The following ANXA5 variants were observed in gnomAD, a reference collection of about 807,000 sequenced individuals.
ANXA5 encodes CBP-I.
A neutral mutation model predicts 48.1 loss-of-function variants in ANXA5; 40 were observed. The observed-to-expected ratio is 0.83, with a 90% CI of 0.65 to 1.08. ANXA5 has a LOEUF of 1.08. ANXA5 is among the 50% of genes least tolerant of loss of function. ANXA5 has a pLI of 0.00. For missense variants in ANXA5, 357 were observed against 376.8 expected, an observed-to-expected ratio of 0.95 and a Z score of 0.44; for synonymous variants, 113 against 129.1, an observed-to-expected ratio of 0.88 and a Z score of 0.85.
At chr4:121,687,632 C>CA (rs1724915602) in intron 2 of ANXA5, among the ~76,000 whole-genome samples, 1 of 152,164 alleles carries the variant, frequency 6.6e-6, no homozygotes, top group Non-Finnish European at 1.5e-5. Context: ...TAATACTAAT[C>CA]AAATTTTAAA....
intron 6 of ANXA5, among the ~76,000 whole-genome samples, chr4:121,679,936 T>C (rs1428728604): frequency 1.3e-5 from 2 of 152,144 alleles, no homozygotes; most frequent in East Asian, 1.9e-4. Context: ...AAGCATATAA[T>C]AGTTATACTT....
intron 4 of ANXA5, among the ~76,000 whole-genome samples, 187 bp downstream of exon 4, chr4:121,684,490 G>A (rs965275217): frequency 6.6e-6 from 1 of 152,174 alleles, no homozygotes; most frequent in African/African-American, 2.4e-5. Flanking sequence ...AATTATGTGA[G>A]GATAAGCTGG....
intron 8 of ANXA5, 137 bp from the exon 9 acceptor site, chr4:121,672,763 T>C: frequency 3.0e-6 from 2 of 659,058 alleles, no homozygotes; most frequent in Non-Finnish European, 5.3e-6. Flanking sequence ...ATTTCTAATG[T>C]GTCCTACTCT....
In ANXA5 at chr4:121,668,376, T is replaced by C; in HGVS notation, c.*92A>G. On this transcript the variant is annotated 3_prime_UTR_variant, in exon 13 of 13. Transcript: ENST00000296511. The stretch of plus-strand genomic sequence containing the variant: ...ATGCTAGTATGAATAAGGCAATGTG[T>C]TAAGCACTGGCATACAAATGCAGCT... 1 of 1,108,550 alleles carries C rather than the reference T, an allele frequency of 9.0e-7. No homozygotes were observed. Among genetic ancestry groups the C allele is most frequent in the South Asian group, 1.3e-5 (1 of 79,926 alleles). The allele number at this position is 1,108,550 out of a possible 1,614,324, so 68.7% of individuals were successfully genotyped here. A position where few individuals can be genotyped will look rare whatever the true frequency, so the allele number is the denominator to read the frequency against.
rs530307561 is a variant in ANXA5 at position 121,668,226 on chromosome 4, G to T, written c.*242C>A. On this transcript the variant is annotated 3_prime_UTR_variant, in exon 13 of 13. Coordinates refer to ENST00000296511, the MANE Select transcript of ANXA5 (RefSeq NM_001154.4). ...AAAAAATATATATAAATGGAAAATGGCCAGGCATTAAACTTAGTAACATTA... is the reference window on the plus strand; with the variant it reads ...AAAAAATATATATAAATGGAAAATGTCCAGGCATTAAACTTAGTAACATTA... The T allele has an allele frequency of 1.4e-5, 5 of 345,918 alleles. No homozygotes were observed. In the East Asian group the frequency reaches 1.8e-4, roughly 12 times the overall value. The allele number at this position is 345,918 out of a possible 1,614,324, so 21.4% of individuals were successfully genotyped here.
rs1451464077 is a variant in ANXA5, at chr4:121,691,054, C to G, written c.10-4682G>C. On this transcript the variant is annotated intron_variant, in intron 2 of 12. Transcript: ENST00000296511. ...CTTCCCCTGTTTCCTGGAGTCCCCA[C>G]ACTTTACCCAGATTAATGCCAACTC... is the stretch of plus-strand genomic sequence containing the variant. Among the ~76,000 whole-genome samples, 4 of 152,182 alleles carry G rather than the reference C, an allele frequency of 2.6e-5. No homozygotes were observed. The East Asian group carries it at 7.7e-4, about 29-fold the overall frequency.
intron 1 of ANXA5, 107 bp downstream of exon 1, chr4:121,696,756 C>T (rs1046958228): frequency 2.2e-6 from 1 of 462,024 alleles, no homozygotes. Context: ...CCCGCCCTCT[C>T]GCAGCTACCG....
At chr4:121,680,777 C>T (rs1305516718) in intron 6 of ANXA5, among the ~76,000 whole-genome samples, 3 of 152,184 alleles carry the variant, frequency 2.0e-5, no homozygotes. Context: ...ATACATGTAT[C>T]ACTTCTGCCT....
intron 2 of ANXA5, among the ~76,000 whole-genome samples, chr4:121,686,840 C>G (rs1479785181): frequency 6.6e-6 from 1 of 152,118 alleles, no homozygotes; most frequent in African/African-American, 2.4e-5. Flanking sequence ...TTTACGATAA[C>G]CCAGCAAAGC....
intron 6 of ANXA5, 70 bp downstream of exon 6, chr4:121,681,601 G>A (rs1481520951): frequency 1.4e-5 from 14 of 1,022,392 alleles, no homozygotes; most frequent in Middle Eastern, 2.0e-4. Context: ...ACAAAGGACT[G>A]CATTCAAATC....
At chr4:121,675,306 G>A (rs1560824857) in intron 8 of ANXA5, among the ~76,000 whole-genome samples, 1 of 152,116 alleles carries the variant, frequency 6.6e-6, no homozygotes, top group Non-Finnish European at 1.5e-5. Flanking sequence ...TTAGTGCCAG[G>A]TATCAGTAGA....
chr4:121,695,780 A>G (rs1725069122), intron 2 of ANXA5, among the ~76,000 whole-genome samples: 1 of 152,022 alleles, frequency 6.6e-6, no homozygotes, highest in African/African-American at 2.4e-5. Context: ...GGCGCCTGTA[A>G]TCCCAGCTAC....
chr4:121,696,465 A>T, intron 2 of ANXA5, 116 bp downstream of exon 2: 1 of 978,470 alleles, frequency 1.0e-6, no homozygotes, highest in Non-Finnish European at 1.4e-6. Context: ...GATGTCCCCA[A>T]AGCAGGTTCC....
intron 3 of ANXA5, among the ~76,000 whole-genome samples, chr4:121,685,034 G>GTATATATATA (rs71599154): frequency 2.4e-4 from 32 of 135,930 alleles, no homozygotes; most frequent in African/African-American, 8.4e-4. Context: ...AAAAAAATAT[G>GTATATATATA]TATATATATA....
intron 8 of ANXA5, 75 bp from the exon 9 acceptor site, chr4:121,672,701 T>A (rs761699421): frequency 9.6e-7 from 1 of 1,043,874 alleles, no homozygotes; most frequent in East Asian, 2.4e-5. Context: ...ACTTGTTTTT[T>A]ACTCCCTGAA....
chr4:121,696,013 TAAG>T (rs887312218), intron 2 of ANXA5, among the ~76,000 whole-genome samples: 1 of 151,994 alleles, frequency 6.6e-6, no homozygotes, highest in Non-Finnish European at 1.5e-5. Context: ...GTTCATTGCT[TAAG>T]AAAAACAGCG....
At chr4:121,681,890 G>T in intron 5 of ANXA5, 129 bp from the exon 6 acceptor site, 1 of 589,896 alleles carries the variant, frequency 1.7e-6, no homozygotes, top group Non-Finnish European at 3.0e-6. Context: ...GGATTTCTTT[G>T]TATATGAGTT....
chr4:121,691,852 A>G (rs1395313696), intron 2 of ANXA5, among the ~76,000 whole-genome samples: 1 of 152,212 alleles, frequency 6.6e-6, no homozygotes, highest in African/African-American at 2.4e-5. Flanking sequence ...AAAAATAAGA[A>G]GGGCATAAAA....
In ANXA5 at chr4:121,669,595, C is replaced by CTACT. The variant is rs767421572; in HGVS notation, c.903+3_903+6dup. The stretch of plus-strand genomic sequence containing the variant: ...CCCAAACGTAATTTAAAGAAAGGTT[C>CTACT]TACTACCTTAATCATGGAATAAAGA... On this transcript the variant is annotated splice_region_variant and intron_variant, in intron 12 of 12. Coordinates refer to ENST00000296511, the MANE Select transcript of ANXA5 (RefSeq NM_001154.4). 6.2e-7 allele frequency: 1 copy of CTACT among 1,613,264 alleles called. No individual in the cohort carries two copies. The highest frequency in any genetic ancestry group is 8.5e-7 in the Non-Finnish European group (1 of 1,179,574).
Sources: gnomAD v4.1 joint callset for allele counts (sites outside exome capture counted in the v4.1 genomes callset) on GRCh38, gnomAD v4.1.1 for gene constraint, MANE v1.5 for transcripts, NCBI Gene and HGNC (gene_info 2026-07-23, HGNC 2026-07-21) for gene names.